The following MAGI2 variants were observed in gnomAD, a reference collection of about 807,000 sequenced individuals.
MAGI2 encodes the protein membrane-associated guanylate kinase, WW and PDZ domain-containing protein 2.
A neutral mutation model predicts 133.3 loss-of-function variants in MAGI2; 35 were observed. That is an observed-to-expected ratio of 0.26 (90% CI 0.20 to 0.35). The LOEUF (loss-of-function observed/expected upper bound fraction) is 0.35, where lower values mean the gene tolerates loss of function less well. Among genes scored for constraint, MAGI2 ranks in the 10% least tolerant of loss-of-function variants. The pLI is 1.00. For synonymous variants in MAGI2, 729 were observed against 710.6 expected, an observed-to-expected ratio of 1.03 and a Z score of -0.41; for missense variants, 1,636 against 1,863.4, an observed-to-expected ratio of 0.88 and a Z score of 2.25.
chr7:78,024,412 T>A (rs938914057), intron 21 of MAGI2, among the ~76,000 whole-genome samples: 1 of 152,226 alleles, frequency 6.6e-6, no homozygotes, highest in Non-Finnish European at 1.5e-5. Context: ...TCGGCTTCTT[T>A]AATAAGTCCA....
intron 1 of MAGI2, among the ~76,000 whole-genome samples, chr7:79,056,111 G>A (rs1009598330): frequency 2.0e-5 from 3 of 152,116 alleles, no homozygotes; most frequent in Non-Finnish European, 4.4e-5. Context: ...CTTGCACACT[G>A]GTTTCTTAAA....
At chr7:78,546,732 G>A (rs188348749) in intron 3 of MAGI2, among the ~76,000 whole-genome samples, 30 of 152,124 alleles carry the variant, frequency 2.0e-4, no homozygotes, top group Admixed American at 1.6e-3. Context: ...AGGATTAGGA[G>A]TATAACCTAT....
chr7:78,395,800 A>G (rs1293882466), intron 6 of MAGI2, among the ~76,000 whole-genome samples: 7 of 152,224 alleles, frequency 4.6e-5, no homozygotes, highest in Admixed American at 4.6e-4. Flanking sequence ...GAATGTGATG[A>G]ACATGTAGAT....
intron 6 of MAGI2, among the ~76,000 whole-genome samples, chr7:78,396,169 G>A (rs987651263): frequency 2.0e-5 from 3 of 152,106 alleles, no homozygotes; most frequent in Non-Finnish European, 4.4e-5. Context: ...CAGATCACCA[G>A]TATAAAATAT....
chr7:78,074,647 G>C (rs952377505), intron 21 of MAGI2, among the ~76,000 whole-genome samples: 6 of 152,160 alleles, frequency 3.9e-5, no homozygotes, highest in Non-Finnish European at 7.4e-5. Flanking sequence ...TTATTTTGCT[G>C]TTACCCAATT....
At chr7:79,448,371 T>G (rs10261731) in intron 1 of MAGI2, among the ~76,000 whole-genome samples, 138,653 of 152,094 alleles carry the variant, frequency 0.91, 63,426 homozygotes, top group East Asian at 1. Context: ...TTCAGTTAAT[T>G]TGAATTGAGT....
At chr7:79,089,288 A>G (rs1372649665) in intron 1 of MAGI2, among the ~76,000 whole-genome samples, 1 of 152,156 alleles carries the variant, frequency 6.6e-6, no homozygotes, top group Non-Finnish European at 1.5e-5. Flanking sequence ...GGTGATCATT[A>G]GAAAGTCAGG....
chr7:78,590,541 A>G (rs550518117), intron 3 of MAGI2, among the ~76,000 whole-genome samples: 6 of 152,322 alleles, frequency 3.9e-5, no homozygotes, highest in African/African-American at 1.4e-4. Context: ...CTAAAACATA[A>G]AAGGGAAAGA....
intron 2 of MAGI2, among the ~76,000 whole-genome samples, chr7:78,724,336 G>C (rs1045162820): frequency 6.6e-6 from 1 of 152,098 alleles, no homozygotes. Flanking sequence ...AAGTAATGGA[G>C]CTTTACTAAA....
intron 9 of MAGI2, among the ~76,000 whole-genome samples, chr7:78,320,174 C>G (rs1188168411): frequency 6.6e-6 from 1 of 152,112 alleles, no homozygotes; most frequent in Non-Finnish European, 1.5e-5. Context: ...GGATTCACAG[C>G]CGAATTTTAC....
chr7:78,065,752 T>G (rs1042912785), intron 21 of MAGI2: 1 of 530,974 alleles, frequency 1.9e-6, no homozygotes, highest in Non-Finnish European at 3.3e-6. Flanking sequence ...GAATCAAGAT[T>G]GCTTAGTATG....
chr7:78,556,663 A>T (rs1201539764), intron 3 of MAGI2, among the ~76,000 whole-genome samples: 1 of 152,170 alleles, frequency 6.6e-6, no homozygotes, highest in Non-Finnish European at 1.5e-5. Context: ...CGTTTTGCTC[A>T]CTATTGTCTA....
At chr7:78,167,701 A>C (rs183661234) in intron 15 of MAGI2, among the ~76,000 whole-genome samples, 10 of 152,350 alleles carry the variant, frequency 6.6e-5, no homozygotes, top group Non-Finnish European at 1.3e-4. Context: ...TAATGAATAC[A>C]TTTAAAATGC....
chr7:78,676,322 GACAAGA>G (rs1486650686), intron 2 of MAGI2, among the ~76,000 whole-genome samples: 8 of 152,086 alleles, frequency 5.3e-5, no homozygotes, highest in South Asian at 2.1e-4. Context: ...CAGTGCTCAA[GACAAGA>G]ACAAGTAAGA....
intron 9 of MAGI2, among the ~76,000 whole-genome samples, chr7:78,264,834 T>C (rs957123448): frequency 6.6e-6 from 1 of 151,784 alleles, no homozygotes; most frequent in Non-Finnish European, 1.5e-5. Flanking sequence ...CCTACTGAAT[T>C]CATATAAGGC....
intron 9 of MAGI2, among the ~76,000 whole-genome samples, chr7:78,296,013 T>C (rs922148206): frequency 2.0e-5 from 3 of 152,150 alleles, no homozygotes; most frequent in Admixed American, 1.3e-4. Context: ...ATGTCTCACC[T>C]TTGCCATTGC....
intron 9 of MAGI2, among the ~76,000 whole-genome samples, chr7:78,283,640 A>G (rs1201583126): frequency 1.3e-5 from 2 of 151,976 alleles, no homozygotes; most frequent in Non-Finnish European, 2.9e-5. Flanking sequence ...AATATTCTCA[A>G]TTTTTCATGG....
At chr7:78,384,131 A>AAT (rs1204049017) in intron 6 of MAGI2, among the ~76,000 whole-genome samples, 4 of 152,110 alleles carry the variant, frequency 2.6e-5, no homozygotes, top group Admixed American at 6.6e-5. Flanking sequence ...TTCTATGAAG[A>AAT]ATGACATTAG....
intron 20 of MAGI2, among the ~76,000 whole-genome samples, chr7:78,125,409 A>T (rs1190873010): frequency 2.0e-5 from 3 of 152,224 alleles, no homozygotes; most frequent in Admixed American, 2.0e-4. Context: ...ATGGAGAAAT[A>T]ATGTTTCCTT....
Sources: allele counts gnomAD v4.1 joint callset (sites outside exome capture counted in the v4.1 genomes callset), GRCh38; gene constraint gnomAD v4.1.1; transcripts MANE v1.5; gene names NCBI Gene and HGNC (gene_info 2026-07-23, HGNC 2026-07-21).